RANBP2: variants seen among roughly 807,000 people sequenced by gnomAD.
The protein encoded by RANBP2 is RAN binding protein 2.
A neutral mutation model predicts 303.6 loss-of-function variants in RANBP2; 57 were observed. The observed-to-expected ratio is 0.19, with a 90% CI of 0.15 to 0.23. The LOEUF (loss-of-function observed/expected upper bound fraction) is 0.23. Among genes scored for constraint, RANBP2 ranks in the 10% least tolerant of loss-of-function variants. The pLI is 1.00. For missense variants in RANBP2, 3,138 were observed against 3,780.8 expected, an observed-to-expected ratio of 0.83 and a Z score of 4.46; for synonymous variants, 1,167 against 1,301.5, an observed-to-expected ratio of 0.90 and a Z score of 2.23.
chr2:109,403,995 A>G, the RANBP2 span, among the ~76,000 whole-genome samples: 1 of 152,118 alleles, frequency 6.6e-6, no homozygotes, highest in Non-Finnish European at 1.5e-5. Flanking sequence ...TCAGGGAATC[A>G]GGGAATGAAT....
At chr2:109,596,461 C>T in the RANBP2 span, among the ~76,000 whole-genome samples, 3 of 151,770 alleles carry the variant, frequency 2.0e-5, no homozygotes, top group Admixed American at 1.3e-4. Flanking sequence ...ACTAAAAATA[C>T]AAAAAATTAG....
chr2:109,279,920 T>TG, the RANBP2 span, among the ~76,000 whole-genome samples: 1 of 149,662 alleles, frequency 6.7e-6, no homozygotes, highest in South Asian at 2.2e-4. Flanking sequence ...GGGAGGTAAT[T>TG]GGGGGGCGGT....
chr2:109,399,546 C>T, the RANBP2 span, among the ~76,000 whole-genome samples: 2 of 151,672 alleles, frequency 1.3e-5, no homozygotes, highest in Non-Finnish European at 2.9e-5. Flanking sequence ...GAGGCCGAGG[C>T]GGGAGGATTG....
the RANBP2 span, among the ~76,000 whole-genome samples, chr2:109,717,347 C>T: frequency 3.3e-5 from 5 of 151,030 alleles, no homozygotes; most frequent in South Asian, 2.1e-4. Context: ...TTTGGGAGGC[C>T]GAGGCGGGTG....
At chr2:109,272,308 T>A in the RANBP2 span, among the ~76,000 whole-genome samples, 1 of 152,148 alleles carries the variant, frequency 6.6e-6, no homozygotes, top group African/African-American at 2.4e-5. Context: ...TGGCTACACA[T>A]CCCCTGAGGG....
chr2:109,372,718 T>TA, the RANBP2 span, among the ~76,000 whole-genome samples: 1 of 152,264 alleles, frequency 6.6e-6, no homozygotes, highest in South Asian at 2.1e-4. Context: ...TCTCACACCA[T>TA]ATCCTGCCTC....
At chr2:109,326,552 A>G in the RANBP2 span, among the ~76,000 whole-genome samples, 2 of 152,114 alleles carry the variant, frequency 1.3e-5, no homozygotes, top group Non-Finnish European at 2.9e-5. Flanking sequence ...TGGGTGTGAA[A>G]TGGCATCTCA....
the RANBP2 span, among the ~76,000 whole-genome samples, chr2:109,212,300 G>T: frequency 1.3e-5 from 2 of 152,200 alleles, no homozygotes; most frequent in East Asian, 3.8e-4. Flanking sequence ...CAGTTGGCTC[G>T]CTATGGAGGA....
At chr2:109,552,160 G>T in the RANBP2 span, among the ~76,000 whole-genome samples, 54,370 of 152,084 alleles carry the variant, frequency 0.36, 11,368 homozygotes, top group Middle Eastern at 0.56. Context: ...AATGCCTGAT[G>T]ATCTGAGCTG....
chr2:109,460,659 A>G, the RANBP2 span, among the ~76,000 whole-genome samples: 2 of 152,112 alleles, frequency 1.3e-5, no homozygotes, highest in African/African-American at 2.4e-5. Context: ...CACAAATTTC[A>G]CCACATGTTT....
the RANBP2 span, among the ~76,000 whole-genome samples, chr2:109,192,807 T>C: frequency 2.0e-5 from 3 of 152,232 alleles, no homozygotes; most frequent in South Asian, 4.1e-4. Flanking sequence ...TTGACAAATA[T>C]GAATGGTCAT....
At chr2:109,663,592 G>A in the RANBP2 span, among the ~76,000 whole-genome samples, 2 of 152,172 alleles carry the variant, frequency 1.3e-5, no homozygotes, top group Non-Finnish European at 2.9e-5. Flanking sequence ...TTCCCTTACT[G>A]ATCATATACA....
At chr2:109,271,340 A>G in the RANBP2 span, among the ~76,000 whole-genome samples, 6 of 152,348 alleles carry the variant, frequency 3.9e-5, no homozygotes, top group East Asian at 1.2e-3. Flanking sequence ...AGCTCCTCCC[A>G]GGAGGAACCT....
At chr2:109,167,730 C>T in the RANBP2 span, among the ~76,000 whole-genome samples, 840 of 152,244 alleles carry the variant, frequency 5.5e-3, 7 homozygotes, top group African/African-American at 0.019. Flanking sequence ...TGTCACCACG[C>T]CTGGCTAATT....
chr2:109,590,696 TAG>T, the RANBP2 span, among the ~76,000 whole-genome samples: 1 of 152,178 alleles, frequency 6.6e-6, no homozygotes, highest in Non-Finnish European at 1.5e-5. Context: ...CCCAAAGTGC[TAG>T]GATTACAGGT....
the RANBP2 span, among the ~76,000 whole-genome samples, chr2:109,326,508 C>T: frequency 1.3e-5 from 2 of 152,286 alleles, no homozygotes; most frequent in East Asian, 3.9e-4. Flanking sequence ...CCGACACTTG[C>T]TGTTGCCAGA....
the RANBP2 span, among the ~76,000 whole-genome samples, chr2:109,090,107 C>T: frequency 6.6e-6 from 1 of 152,082 alleles, no homozygotes; most frequent in Non-Finnish European, 1.5e-5. Context: ...AAAGCGACAA[C>T]AGAGACCACA....
At chr2:109,058,416 C>G in the RANBP2 span, among the ~76,000 whole-genome samples, 3 of 152,200 alleles carry the variant, frequency 2.0e-5, no homozygotes, top group African/African-American at 7.2e-5. Flanking sequence ...CGTGAGCTTA[C>G]CCCTAAAACG....
Position 108,753,089 on chromosome 2 carries a change from T to C in RANBP2, c.1847T>C (p.Ile616Thr), listed in dbSNP as rs2149230281. The C allele has an allele frequency of 6.2e-7, 1 of 1,610,120 alleles. No homozygotes were observed. Among genetic ancestry groups the C allele is most frequent in the Non-Finnish European group, 8.5e-7 (1 of 1,179,010 alleles). Residue 616 changes from isoleucine to threonine, a missense_variant, in exon 13 of 29, where the codon ATA (isoleucine) becomes ACA (threonine). Ile to Thr is a moderately conservative substitution (Grantham distance 89). Coordinates refer to ENST00000283195, the MANE Select transcript of RANBP2 (RefSeq NM_006267.5). ...WKKVLPLLKIIKKKNSIPEPI... is the reference protein window; with the variant it reads ...WKKVLPLLKITKKKNSIPEPI... ...AAAGTTTTGCCATTGTTGAAGATAA[T>C]AAAAAAGAAGAACAGTATTCCTGAA... is the stretch of plus-strand genomic sequence containing the variant.
Sources: allele counts gnomAD v4.1 joint callset (sites outside exome capture counted in the v4.1 genomes callset), GRCh38; gene constraint gnomAD v4.1.1; transcripts MANE v1.5; gene names NCBI Gene and HGNC (gene_info 2026-07-23, HGNC 2026-07-21).